MAPKAP1: variants seen among roughly 807,000 people sequenced by gnomAD.
MAPKAP1 encodes target of rapamycin complex 2 subunit MAPKAP1.
In MAPKAP1, 20 loss-of-function variants were observed where a neutral mutation model predicts 65.7. That is an observed-to-expected ratio of 0.30 (90% CI 0.21 to 0.44). The LOEUF is 0.44. Among genes scored for constraint, MAPKAP1 ranks in the 20% least tolerant of loss-of-function variants. The pLI, the probability that MAPKAP1 is intolerant of heterozygous loss-of-function variation, is 1.00. For missense variants in MAPKAP1, 423 were observed against 648.0 expected (o/e 0.65, Z 3.77); for synonymous variants, 222 against 244.3 (o/e 0.91, Z 0.85).
intron 4 of MAPKAP1, among the ~76,000 whole-genome samples, chr9:125,640,847 T>C (rs1338716786): frequency 6.6e-6 from 1 of 152,226 alleles, no homozygotes; most frequent in Non-Finnish European, 1.5e-5. Context: ...TGCAACATGT[T>C]GGGAAATTTA....
intron 4 of MAPKAP1, among the ~76,000 whole-genome samples, chr9:125,617,595 C>A (rs563238): frequency 0.9 from 136,623 of 152,278 alleles, 62,074 homozygotes; most frequent in East Asian, 1. Context: ...AGTGGAATGG[C>A]TAAACTGCAG....
intron 4 of MAPKAP1, among the ~76,000 whole-genome samples, chr9:125,613,806 T>C (rs1018470505): frequency 1.2e-4 from 18 of 152,060 alleles, no homozygotes; most frequent in Non-Finnish European, 2.5e-4. Flanking sequence ...AATTTCTTTT[T>C]TTTTTTTTTA....
chr9:125,471,684 A>C (rs778443102), intron 9 of MAPKAP1: 5 of 152,452 alleles, frequency 3.3e-5, no homozygotes, highest in African/African-American at 7.2e-5. Context: ...CTGTGAGCAG[A>C]GCACCAGGAG....
intron 4 of MAPKAP1, among the ~76,000 whole-genome samples, chr9:125,620,074 C>A (rs1238556068): frequency 1.3e-5 from 2 of 152,170 alleles, no homozygotes; most frequent in Non-Finnish European, 2.9e-5. Flanking sequence ...TTTGGGAGAC[C>A]AAGGTGGGCA....
At chr9:125,594,197 C>T (rs1373079831) in intron 4 of MAPKAP1, among the ~76,000 whole-genome samples, 1 of 152,224 alleles carries the variant, frequency 6.6e-6, no homozygotes, top group Non-Finnish European at 1.5e-5. Context: ...AATCCTTCCC[C>T]TCCAAATCTT....
At chr9:125,658,866 C>T (rs555042408) in intron 3 of MAPKAP1, among the ~76,000 whole-genome samples, 20 of 152,222 alleles carry the variant, frequency 1.3e-4, no homozygotes, top group Admixed American at 6.5e-4. Context: ...CCGCAATAGA[C>T]GTGTTCAACC....
At chr9:125,586,734 TC>T (rs1831799087) in intron 4 of MAPKAP1, among the ~76,000 whole-genome samples, 1 of 152,166 alleles carries the variant, frequency 6.6e-6, no homozygotes, top group South Asian at 2.1e-4. Flanking sequence ...GCACACTGGC[TC>T]AGTCTTCCTT....
intron 8 of MAPKAP1, 55 bp from the exon 9 acceptor site, chr9:125,484,638 T>C (rs1160091873): frequency 6.5e-7 from 1 of 1,533,988 alleles, no homozygotes; most frequent in Non-Finnish European, 8.8e-7. Context: ...TGGCAAATGG[T>C]GTCTGCTTAA....
At chr9:125,649,893 A>C (rs1833845019) in intron 4 of MAPKAP1, among the ~76,000 whole-genome samples, 1 of 152,068 alleles carries the variant, frequency 6.6e-6, no homozygotes, top group African/African-American at 2.4e-5. Flanking sequence ...CTGGGCTGTC[A>C]TTTGATTTCT....
chr9:125,639,956 G>A (rs1339152740), intron 4 of MAPKAP1, among the ~76,000 whole-genome samples: 1 of 152,164 alleles, frequency 6.6e-6, no homozygotes, highest in Non-Finnish European at 1.5e-5. Flanking sequence ...AAGGCAGGCA[G>A]TGAAAAACTC....
At chr9:125,701,454 T>A (rs1175220687) in intron 1 of MAPKAP1, among the ~76,000 whole-genome samples, 1 of 152,206 alleles carries the variant, frequency 6.6e-6, no homozygotes, top group African/African-American at 2.4e-5. Flanking sequence ...GTTAGCGGTA[T>A]CCGCATATTC....
chr9:125,660,727 C>T (rs997830838), intron 3 of MAPKAP1, among the ~76,000 whole-genome samples: 1 of 152,138 alleles, frequency 6.6e-6, no homozygotes, highest in African/African-American at 2.4e-5. Context: ...ACCCATCAAC[C>T]GACACTTCAA....
intron 6 of MAPKAP1, among the ~76,000 whole-genome samples, chr9:125,547,228 G>A (rs1482785314): frequency 2.0e-5 from 3 of 152,122 alleles, no homozygotes; most frequent in Non-Finnish European, 2.9e-5. Flanking sequence ...AGCAGTAAGC[G>A]AGAGGCAATG....
intron 4 of MAPKAP1, among the ~76,000 whole-genome samples, chr9:125,597,042 C>A (rs1458552903): frequency 1.3e-5 from 2 of 149,900 alleles, no homozygotes; most frequent in African/African-American, 4.9e-5. Context: ...GCGGGCAGAT[C>A]ACGAGGTCAG....
intron 10 of MAPKAP1, among the ~76,000 whole-genome samples, chr9:125,448,866 A>G (rs1419721464): frequency 1.3e-5 from 2 of 152,038 alleles, no homozygotes; most frequent in African/African-American, 4.8e-5. Flanking sequence ...TTAGCTGGGC[A>G]TGGAGGCACA....
intron 5 of MAPKAP1, chr9:125,573,047 T>C (rs1831284209): frequency 1.5e-5 from 2 of 137,466 alleles, no homozygotes; most frequent in Admixed American, 7.7e-5. Flanking sequence ...TTAAAGAAGA[T>C]GGATCTTCAT....
chr9:125,440,732 C>T (rs1852448653), intron 11 of MAPKAP1, among the ~76,000 whole-genome samples: 1 of 152,238 alleles, frequency 6.6e-6, no homozygotes, highest in Non-Finnish European at 1.5e-5. Context: ...CTGCCCGCTG[C>T]CTCGCCAAGT....
intron 3 of MAPKAP1, among the ~76,000 whole-genome samples, chr9:125,664,363 A>T (rs919012870): frequency 5.3e-5 from 8 of 151,794 alleles, no homozygotes; most frequent in South Asian, 2.1e-4. Context: ...AAATAAAAAA[A>T]AATAAAAATA....
chr9:125,464,599 G>A (rs971519201), intron 10 of MAPKAP1, among the ~76,000 whole-genome samples: 1 of 152,258 alleles, frequency 6.6e-6, no homozygotes, highest in African/African-American at 2.4e-5. Context: ...TAGCCATTAA[G>A]TTCAAGTCCT....
Sources: gnomAD v4.1 joint callset for allele counts (sites outside exome capture counted in the v4.1 genomes callset) on GRCh38, gnomAD v4.1.1 for gene constraint, MANE v1.5 for transcripts, NCBI Gene and HGNC (gene_info 2026-07-23, HGNC 2026-07-21) for gene names.